NCAM2: variants seen among roughly 807,000 people sequenced by gnomAD.
NCAM2 encodes neural cell adhesion molecule 2.
In NCAM2, 30 loss-of-function variants were observed where a neutral mutation model predicts 98.1. The observed-to-expected ratio is 0.31, with a 90% CI of 0.23 to 0.41. The LOEUF (loss-of-function observed/expected upper bound fraction) is 0.41, where lower values mean the gene tolerates loss of function less well. NCAM2 is among the 10% of genes least tolerant of loss of function. The pLI is 1.00. For synonymous variants in NCAM2, 368 were observed against 342.4 expected (o/e 1.07, Z -0.83); for missense variants, 867 against 1,005.8 (o/e 0.86, Z 1.87).
chr21:21,316,216 C>A (rs2074215464), intron 5 of NCAM2, among the ~76,000 whole-genome samples: 1 of 151,994 alleles, frequency 6.6e-6, no homozygotes, highest in East Asian at 1.9e-4. Context: ...TTCTTTCTGG[C>A]AGTTTATCAA....
At chr21:21,477,132 T>C (rs752295629) in intron 14 of NCAM2, among the ~76,000 whole-genome samples, 159 bp from the exon 15 acceptor site, 1 of 152,136 alleles carries the variant, frequency 6.6e-6, no homozygotes, top group Non-Finnish European at 1.5e-5. Flanking sequence ...GAAATAATAC[T>C]GGCTTCATTG....
intron 1 of NCAM2, among the ~76,000 whole-genome samples, chr21:21,135,256 A>AAC (rs1555889238): frequency 2.2e-4 from 32 of 145,652 alleles, no homozygotes; most frequent in East Asian, 8.2e-4. Context: ...AAAAAAAAAA[A>AAC]AAAAAAAACT....
At chr21:21,376,905 C>T (rs1226679550) in intron 9 of NCAM2, among the ~76,000 whole-genome samples, 3 of 151,258 alleles carry the variant, frequency 2.0e-5, no homozygotes, top group African/African-American at 7.3e-5. Context: ...TTTGAGTATC[C>T]CCTGAGATTA....
chr21:21,280,197 G>T (rs1194342885), intron 1 of NCAM2, among the ~76,000 whole-genome samples: 1 of 151,816 alleles, frequency 6.6e-6, no homozygotes, highest in Admixed American at 6.6e-5. Flanking sequence ...TGTAGTTGTT[G>T]TAATGATAAT....
At chr21:21,441,886 AC>A (rs1204520211) in intron 12 of NCAM2, among the ~76,000 whole-genome samples, 1 of 152,130 alleles carries the variant, frequency 6.6e-6, no homozygotes, top group African/African-American at 2.4e-5. Flanking sequence ...TCAGAAAGAT[AC>A]GAGGCTAGGC....
At chr21:21,024,858 G>T (rs1040133193) in intron 1 of NCAM2, among the ~76,000 whole-genome samples, 12 of 151,062 alleles carry the variant, frequency 7.9e-5, no homozygotes, top group African/African-American at 2.9e-4. Context: ...CTTCACTCCA[G>T]CCTGGGCCAG....
In NCAM2 at chr21:21,199,148, C is replaced by T. The variant is rs1051444157; in HGVS notation, c.56-81430C>T. ...ATAGTTTGTGGAAAGAGTCAGTCCT[C>T]CTCCACTTCTAAGGAACATCTAATA... On this transcript the variant is annotated intron_variant, in intron 1 of 17. Coordinates refer to ENST00000400546, the MANE Select transcript of NCAM2 (RefSeq NM_004540.5). Among the ~76,000 whole-genome samples, 9 of 152,276 alleles carry T rather than the reference C, an allele frequency of 5.9e-5. No homozygotes were observed. The South Asian group carries it at 1.9e-3, about 32-fold the overall frequency.
chr21:21,486,303 C>CAAAAAAAAAAAAAAAAA (rs67182493), intron 15 of NCAM2, among the ~76,000 whole-genome samples: 4 of 52,264 alleles, frequency 7.7e-5, no homozygotes, highest in African/African-American at 3.4e-4. Context: ...GACTCCGTCT[C>CAAAAAAAAAAAAAAAAA]AAAAAAAAAA....
At chr21:21,382,926 T>G (rs898775441) in intron 9 of NCAM2, among the ~76,000 whole-genome samples, 3 of 152,162 alleles carry the variant, frequency 2.0e-5, no homozygotes, top group African/African-American at 4.8e-5. Context: ...TTCATCCATT[T>G]CATTTTATCT....
At chr21:21,419,595 G>T (rs1569043046) in intron 11 of NCAM2, among the ~76,000 whole-genome samples, 1 of 143,028 alleles carries the variant, frequency 7.0e-6, no homozygotes, top group African/African-American at 2.6e-5. Context: ...CCACCTATGA[G>T]TGAGAACAGG....
chr21:21,095,162 T>C (rs1307906924), intron 1 of NCAM2, among the ~76,000 whole-genome samples: 1 of 151,726 alleles, frequency 6.6e-6, no homozygotes, highest in Non-Finnish European at 1.5e-5. Context: ...GAGTTCAGCT[T>C]AATTGTTAAA....
At chr21:21,090,761 G>T (rs1164389648) in intron 1 of NCAM2, among the ~76,000 whole-genome samples, 1 of 152,240 alleles carries the variant, frequency 6.6e-6, no homozygotes, top group African/African-American at 2.4e-5. Context: ...AGCCACCCCT[G>T]CAAGCTTGCA....
Position 21,338,545 on chromosome 21 carries a change from C to G in NCAM2, c.1044+11C>G, listed in dbSNP as rs139855892. 1.4e-5 allele frequency: 22 copies of G among 1,589,280 alleles called. No individual in the cohort carries two copies. The East Asian group carries it at 4.6e-4, about 33-fold the overall frequency. ...ACTGAAGGCGATAAGGTAACCACAT[C>G]TCAATATGTAATGGTTTCCATTACC... On this transcript the variant is annotated intron_variant, in intron 8 of 17. Coordinates refer to ENST00000400546, the MANE Select transcript of NCAM2 (RefSeq NM_004540.5).
At chr21:21,095,966 C>CAAA (rs2066113933) in intron 1 of NCAM2, among the ~76,000 whole-genome samples, 1 of 151,298 alleles carries the variant, frequency 6.6e-6, no homozygotes, top group African/African-American at 2.4e-5. Flanking sequence ...AAAGAAGAAA[C>CAAA]TATTGAGTCA....
chr21:21,369,639 G>C (rs1270520082), intron 8 of NCAM2, among the ~76,000 whole-genome samples: 1 of 151,762 alleles, frequency 6.6e-6, no homozygotes, highest in Non-Finnish European at 1.5e-5. Context: ...TTTCATGGTA[G>C]CCACTCCAAT....
intron 1 of NCAM2, among the ~76,000 whole-genome samples, chr21:21,178,272 C>T (rs2068359574): frequency 1.3e-5 from 2 of 152,004 alleles, no homozygotes; most frequent in Admixed American, 6.6e-5. Context: ...TTCGTTGGTA[C>T]TCTTGATTTT....
chr21:21,377,220 G>A (rs747038403), intron 9 of NCAM2, among the ~76,000 whole-genome samples: 4 of 151,532 alleles, frequency 2.6e-5, no homozygotes, highest in Middle Eastern at 3.2e-3. Context: ...CATATATAAT[G>A]TAAAATATGA....
intron 4 of NCAM2, among the ~76,000 whole-genome samples, chr21:21,288,604 A>G (rs2073184250): frequency 6.6e-6 from 1 of 151,614 alleles, no homozygotes; most frequent in South Asian, 2.1e-4. Flanking sequence ...ACCTTGAAAT[A>G]GTGTAGAAAC....
At chr21:21,309,467 A>C (rs1165406942) in intron 5 of NCAM2, among the ~76,000 whole-genome samples, 1 of 152,096 alleles carries the variant, frequency 6.6e-6, no homozygotes, top group East Asian at 1.9e-4. Context: ...ATGCATTAGG[A>C]GTTGATTTTA....
Sources: allele counts gnomAD v4.1 joint callset (sites outside exome capture counted in the v4.1 genomes callset), GRCh38; gene constraint gnomAD v4.1.1; transcripts MANE v1.5; gene names NCBI Gene and HGNC (gene_info 2026-07-23, HGNC 2026-07-21).